Variants in GNG4 observed in about 807,000 individuals in gnomAD.
GNG4 encodes the protein G protein subunit gamma 4.
In GNG4, 4 loss-of-function variants were observed where a neutral mutation model predicts 5.8. That is an observed-to-expected ratio of 0.69 (90% CI 0.34 to 1.57). GNG4 has a LOEUF of 1.57. Ranked by LOEUF, GNG4 falls within the 40% of genes most tolerant of loss-of-function variation. The probability of loss-of-function intolerance (pLI) is 0.06; values close to 1 mark genes in which losing one functional copy is unlikely to be tolerated. For missense variants in GNG4, 96 were observed against 95.1 expected (o/e 1.01, Z -0.04); for synonymous variants, 29 against 32.9 (o/e 0.88, Z 0.41).
chr1:235,614,303 G>A (rs1226382559), intron 1 of GNG4, among the ~76,000 whole-genome samples: 1 of 151,744 alleles, frequency 6.6e-6, no homozygotes, highest in East Asian at 1.9e-4. Flanking sequence ...TTCTTGGATG[G>A]TCTGGCTAGA....
intron 1 of GNG4, among the ~76,000 whole-genome samples, chr1:235,636,540 C>A (rs533082801): frequency 6.6e-6 from 1 of 152,288 alleles, no homozygotes; most frequent in East Asian, 1.9e-4. Flanking sequence ...GCACGGTGCC[C>A]ACGCTGAGAC....
rs534256349 is a variant in GNG4 at position 235,550,675 on chromosome 1, G to C, written c.*1434C>G. ...AAATGAGCCAGGCATGTTGGCGTGTGCTTGTCATCCCAGCTACTAGGGAGG... is the reference window on the plus strand; with the variant it reads ...AAATGAGCCAGGCATGTTGGCGTGTCCTTGTCATCCCAGCTACTAGGGAGG... On this transcript the variant is annotated 3_prime_UTR_variant, in exon 4 of 4. Transcript: ENST00000391854. 1 of 152,258 alleles carries C rather than the reference G, an allele frequency of 6.6e-6. No individual in the cohort carries two copies. Among genetic ancestry groups the C allele is most frequent in the African/African-American group, 2.4e-5 (1 of 41,538 alleles). The allele number at this position is 152,258 out of a possible 1,614,324, so 9.4% of individuals were successfully genotyped here. A position where few individuals can be genotyped will look rare whatever the true frequency, so the allele number is the denominator to read the frequency against.
chr1:235,629,812 G>A (rs956874578), intron 1 of GNG4, among the ~76,000 whole-genome samples: 5 of 151,636 alleles, frequency 3.3e-5, no homozygotes, highest in Admixed American at 6.6e-5. Context: ...GGCTGGTCTC[G>A]AACTCCTGAC....
Position 235,548,044 on chromosome 1 carries a change from C to T in GNG4, c.*4065G>A, listed in dbSNP as rs190549405. 2.2e-4 allele frequency: 33 copies of T among 152,280 alleles called. No individual in the cohort carries two copies. The highest frequency in any genetic ancestry group is 7.7e-4 in the African/African-American group (32 of 41,558). The allele number at this position is 152,280 out of a possible 1,614,324, so 9.4% of individuals were successfully genotyped here. A position where few individuals can be genotyped will look rare whatever the true frequency, so the allele number is the denominator to read the frequency against. On this transcript the variant is annotated 3_prime_UTR_variant, in exon 4 of 4. Coordinates refer to ENST00000391854, the MANE Select transcript of GNG4 (RefSeq NM_001098722.2). ...TTCCCATTGCAGTCTGGGATTCCATCGTGTGAATATACCCTAATGTGCTTA... is the reference window on the plus strand; with the variant it reads ...TTCCCATTGCAGTCTGGGATTCCATTGTGTGAATATACCCTAATGTGCTTA...
At chr1:235,621,746 G>A (rs370602757) in intron 1 of GNG4, among the ~76,000 whole-genome samples, 7 of 151,004 alleles carry the variant, frequency 4.6e-5, no homozygotes, top group African/African-American at 1.5e-4. Context: ...GCATGATCAC[G>A]GCTCACTGCA....
At chr1:235,561,627 T>C (rs1373238866) in intron 3 of GNG4, among the ~76,000 whole-genome samples, 1 of 151,724 alleles carries the variant, frequency 6.6e-6, no homozygotes, top group Non-Finnish European at 1.5e-5. Flanking sequence ...ACTCCTGACC[T>C]CAGGTGATCT....
At chr1:235,611,177 T>A (rs1688469106) in intron 1 of GNG4, among the ~76,000 whole-genome samples, 1 of 151,938 alleles carries the variant, frequency 6.6e-6, no homozygotes, top group Non-Finnish European at 1.5e-5. Flanking sequence ...CTCTCTTTTT[T>A]TTTTTTTTGA....
intron 1 of GNG4, among the ~76,000 whole-genome samples, chr1:235,634,490 C>G (rs1688990512): frequency 6.6e-6 from 1 of 152,290 alleles, no homozygotes; most frequent in East Asian, 1.9e-4. Context: ...CTGGTGATAT[C>G]TGGGTGCAGG....
At chr1:235,650,047 C>A (rs1457815101), upstream of GNG4, 1 of 151,078 alleles carries the variant, frequency 6.6e-6, no homozygotes. Flanking sequence ...GGAAATCCCG[C>A]CCGCTGCCAC....
chr1:235,605,094 G>T (rs1444132462), intron 1 of GNG4, among the ~76,000 whole-genome samples: 1 of 152,078 alleles, frequency 6.6e-6, no homozygotes, highest in African/African-American at 2.4e-5. Context: ...CAAAAATAAG[G>T]TGAGAACCCC....
intron 3 of GNG4, among the ~76,000 whole-genome samples, chr1:235,581,014 A>C (rs555027362): frequency 2.4e-3 from 367 of 152,040 alleles, no homozygotes; most frequent in African/African-American, 8.2e-3. Flanking sequence ...GGCCTTCCAA[A>C]GTGCTGGGAT....
chr1:235,608,680 ATTTTTTATT>A (rs1340094940), intron 1 of GNG4, among the ~76,000 whole-genome samples: 2 of 130,430 alleles, frequency 1.5e-5, no homozygotes, highest in African/African-American at 3.6e-5. Flanking sequence ...TTAGTTTTTT[ATTTTTTATT>A]TTTTTTTTTT....
chr1:235,577,158 A>G (rs940713197), intron 3 of GNG4, among the ~76,000 whole-genome samples: 8 of 152,064 alleles, frequency 5.3e-5, no homozygotes, highest in South Asian at 2.1e-4. Context: ...GGTGGGCCCT[A>G]TGGTTGGCTA....
At chr1:235,639,777 G>T (rs1256666115) in intron 1 of GNG4, among the ~76,000 whole-genome samples, 2 of 152,226 alleles carry the variant, frequency 1.3e-5, no homozygotes, top group Non-Finnish European at 2.9e-5. Flanking sequence ...AAAGTGCTGG[G>T]ATATCAGGCG....
intron 3 of GNG4, among the ~76,000 whole-genome samples, chr1:235,556,556 C>CAA (rs35257216): frequency 4.5e-4 from 39 of 87,130 alleles, no homozygotes; most frequent in Non-Finnish European, 6.1e-4. Flanking sequence ...GACTCTGTCT[C>CAA]AAAAAAAAAA....
At chr1:235,600,902 G>A (rs975270583) in intron 1 of GNG4, among the ~76,000 whole-genome samples, 2 of 152,134 alleles carry the variant, frequency 1.3e-5, no homozygotes, top group Non-Finnish European at 2.9e-5. Flanking sequence ...CAGAGGCCTT[G>A]TTTTTTTTAG....
chr1:235,582,136 C>T (rs1687652804), intron 3 of GNG4, among the ~76,000 whole-genome samples: 1 of 152,204 alleles, frequency 6.6e-6, no homozygotes, highest in Non-Finnish European at 1.5e-5. Context: ...TTGCTGTCTG[C>T]TCCACACTGT....
At chr1:235,569,034 C>T (rs970908664) in intron 3 of GNG4, among the ~76,000 whole-genome samples, 2 of 152,082 alleles carry the variant, frequency 1.3e-5, no homozygotes, top group African/African-American at 4.8e-5. Context: ...ACCATGCTGG[C>T]CAGGCTGGTC....
intron 2 of GNG4, among the ~76,000 whole-genome samples, chr1:235,586,410 G>A (rs779978138): frequency 1.3e-4 from 20 of 152,304 alleles, no homozygotes; most frequent in African/African-American, 4.3e-4. Context: ...GTGTGTCTGC[G>A]TTGCTGTGTG....
Sources: allele counts gnomAD v4.1 joint callset (sites outside exome capture counted in the v4.1 genomes callset), GRCh38; gene constraint gnomAD v4.1.1; transcripts MANE v1.5; gene names NCBI Gene and HGNC (gene_info 2026-07-23, HGNC 2026-07-21).